The following VKORC1L1 variants were observed in gnomAD, a reference collection of about 807,000 sequenced individuals.
VKORC1L1 encodes the protein vitamin K epoxide reductase complex subunit 1L1.
Under a neutral mutation model 18.9 loss-of-function variants are expected in VKORC1L1, and 2 were observed. The ratio of observed to expected loss-of-function variants is 0.11; its 90% CI spans 0.04 to 0.33. The LOEUF (loss-of-function observed/expected upper bound fraction) is 0.33. Among genes scored for constraint, VKORC1L1 ranks in the 10% least tolerant of loss-of-function variants. VKORC1L1 has a pLI of 1.00. For synonymous variants in VKORC1L1, 96 were observed against 100.0 expected (o/e 0.96, Z 0.24); for missense variants, 123 against 224.1 (o/e 0.55, Z 2.88).
intron 1 of VKORC1L1, among the ~76,000 whole-genome samples, chr7:65,898,254 T>C (rs1339024245): frequency 1.3e-5 from 2 of 151,590 alleles, no homozygotes; most frequent in East Asian, 3.9e-4. Flanking sequence ...GCCCGGCTAA[T>C]TTTTGTATTT....
At chr7:65,951,808 T>C (rs926107561) in intron 2 of VKORC1L1, among the ~76,000 whole-genome samples, 1 of 152,218 alleles carries the variant, frequency 6.6e-6, no homozygotes, top group East Asian at 1.9e-4. Flanking sequence ...TTTTCTTTTT[T>C]TGCCTGATGA....
chr7:65,873,511 G>C lies in VKORC1L1; in HGVS notation c.140G>C (p.Arg47Pro), dbSNP rs1416108652. 2 of 1,591,762 alleles carry C rather than the reference G, an allele frequency of 1.3e-6. No individual in the cohort carries two copies. The highest frequency in any genetic ancestry group is 1.4e-5 in the African/African-American group (1 of 73,556). Reference sequence around the variant, plus strand: ...GAGAAGGAGCGGGACCCCGAGCACCGGGCCCTCTGCGACCTGGGGCCCTGG... The same window carrying C: ...GAGAAGGAGCGGGACCCCGAGCACCCGGCCCTCTGCGACCTGGGGCCCTGG... ...EREKERDPEH[R>P]ALCDLGPWVK... The change falls in exon 1 of 3, where the codon CGG becomes CCG. Residue 47 changes from arginine to proline, a missense_variant. By Grantham distance (103) the Arg-to-Pro change is moderately radical. This residue lies in a region of VKORC1L1 where 60 missense variants were observed against 76.9 expected (regional missense o/e 0.78). Coordinates refer to ENST00000360768, the MANE Select transcript of VKORC1L1 (RefSeq NM_173517.6).
rs980023658 is a variant in VKORC1L1 at position 65,956,423 on chromosome 7, A to G, written c.*2123A>G. The G allele has an allele frequency of 2.6e-5, 4 of 152,244 alleles. No individual in the cohort carries two copies. Among genetic ancestry groups the G allele is most frequent in the African/African-American group, 9.6e-5 (4 of 41,462 alleles). The allele number at this position is 152,244 out of a possible 1,614,324, so 9.4% of individuals were successfully genotyped here. ...CAGAGTATAGTTAAAGCTTGTCTTG[A>G]TGTTGCATTCTTGCAAATGTCTTCA... On this transcript the variant is annotated 3_prime_UTR_variant, in exon 3 of 3. Transcript: ENST00000360768.
At chr7:65,867,602 T>C in the VKORC1L1 span, among the ~76,000 whole-genome samples, 1 of 152,140 alleles carries the variant, frequency 6.6e-6, no homozygotes. Flanking sequence ...GGCTGTCATC[T>C]GAAACCTGTG....
intron 1 of VKORC1L1, among the ~76,000 whole-genome samples, chr7:65,931,652 C>CT (rs1452876906): frequency 6.6e-6 from 1 of 151,774 alleles, no homozygotes; most frequent in Non-Finnish European, 1.5e-5. Flanking sequence ...TTTTCTTTTT[C>CT]TTTTTTTGAG....
Position 65,914,507 on chromosome 7 carries a change from T to G in VKORC1L1, c.195-34164T>G, listed in dbSNP as rs184239582. On this transcript the variant is annotated intron_variant, in intron 1 of 2. Transcript: ENST00000360768. The stretch of plus-strand genomic sequence containing the variant: ...CTCCCCATCTTTCCCTTTGCAATCT[T>G]ACCTCAATGAAACTCACCTCTTCCA... 2.0e-3 allele frequency among the ~76,000 whole-genome samples: 307 copies of G among 152,238 alleles called. 1 individual carries two copies. The highest frequency in any genetic ancestry group is 7.2e-3 in the African/African-American group (300 of 41,542).
intron 1 of VKORC1L1, among the ~76,000 whole-genome samples, chr7:65,927,012 C>T (rs1411629675): frequency 6.6e-6 from 1 of 151,908 alleles, no homozygotes; most frequent in Non-Finnish European, 1.5e-5. Flanking sequence ...TGTGGCCAGG[C>T]ATGGTGGCTC....
At chr7:65,892,071 A>G (rs1339857495) in intron 1 of VKORC1L1, among the ~76,000 whole-genome samples, 2 of 152,202 alleles carry the variant, frequency 1.3e-5, no homozygotes, top group African/African-American at 4.8e-5. Context: ...ATTTCTCTTA[A>G]CATAATGTCC....
At chr7:65,947,483 G>GT (rs1022693490) in intron 1 of VKORC1L1, among the ~76,000 whole-genome samples, 4 of 150,232 alleles carry the variant, frequency 2.7e-5, no homozygotes, top group African/African-American at 7.4e-5. Flanking sequence ...ATCTTTAAAG[G>GT]TTTTTTATTC....
At chr7:65,948,393 T>C (rs1397348559) in intron 1 of VKORC1L1, among the ~76,000 whole-genome samples, 1 of 136,766 alleles carries the variant, frequency 7.3e-6, no homozygotes, top group African/African-American at 2.8e-5. Flanking sequence ...TACTTTGCCC[T>C]ACCTTCTGGA....
At chr7:65,893,035 C>A (rs1583829322) in intron 1 of VKORC1L1, among the ~76,000 whole-genome samples, 1 of 152,204 alleles carries the variant, frequency 6.6e-6, no homozygotes, top group Admixed American at 6.5e-5. Context: ...TGCAGTGTTG[C>A]AACAGATTGA....
intron 1 of VKORC1L1, among the ~76,000 whole-genome samples, chr7:65,893,312 C>T (rs748839433): frequency 1.3e-5 from 2 of 152,146 alleles, no homozygotes; most frequent in Admixed American, 6.6e-5. Context: ...GAGGCTGAGG[C>T]GGGCAGATAA....
At chr7:65,948,358 A>T (rs1463321238) in intron 1 of VKORC1L1, among the ~76,000 whole-genome samples, 1 of 147,070 alleles carries the variant, frequency 6.8e-6, no homozygotes, top group Non-Finnish European at 1.5e-5. Flanking sequence ...TCCTTCTGCA[A>T]ATACTAATGC....
At chr7:65,920,838 AAGAC>A (rs1040571550) in intron 1 of VKORC1L1, among the ~76,000 whole-genome samples, 15 of 151,920 alleles carry the variant, frequency 9.9e-5, no homozygotes, top group South Asian at 6.2e-4. Flanking sequence ...GAAAAAAAAA[AAGAC>A]AGAAAGGAAG....
intron 1 of VKORC1L1, among the ~76,000 whole-genome samples, chr7:65,937,462 A>C (rs778669703): frequency 1.4e-4 from 22 of 152,172 alleles, no homozygotes; most frequent in Non-Finnish European, 1.6e-4. Flanking sequence ...TAGCACAAAC[A>C]CAGCTCACTG....
intron 1 of VKORC1L1, among the ~76,000 whole-genome samples, chr7:65,894,592 G>A (rs1366295811): frequency 1.3e-5 from 2 of 152,090 alleles, no homozygotes; most frequent in African/African-American, 4.8e-5. Flanking sequence ...ACTGGGCATG[G>A]TGGTGGGCAC....
chr7:65,883,051 T>G (rs190775494), intron 1 of VKORC1L1, among the ~76,000 whole-genome samples: 23 of 151,236 alleles, frequency 1.5e-4, no homozygotes, highest in African/African-American at 5.1e-4. Context: ...AAATTTGACA[T>G]AAGACTGCCC....
intron 1 of VKORC1L1, among the ~76,000 whole-genome samples, chr7:65,947,616 T>C (rs1443619988): frequency 1.3e-5 from 2 of 152,194 alleles, no homozygotes; most frequent in Admixed American, 6.5e-5. Context: ...TAAAAACTGA[T>C]AGGGCATATA....
chr7:65,959,473 A>T lies in VKORC1L1; in HGVS notation c.*5173A>T, dbSNP rs1424647808. 1.3e-5 allele frequency: 2 copies of T among 152,272 alleles called. No individual in the cohort carries two copies. The highest frequency in any genetic ancestry group is 4.8e-5 in the African/African-American group (2 of 41,476). The allele number at this position is 152,272 out of a possible 1,614,324, so 9.4% of individuals were successfully genotyped here. Reference sequence around the variant, plus strand: ...AACTAAAGAGAAGTTGATAAAAAAAATACAGAAGCTCTAGATTCCTAATTG... The same window carrying T: ...AACTAAAGAGAAGTTGATAAAAAAATTACAGAAGCTCTAGATTCCTAATTG... On this transcript the variant is annotated 3_prime_UTR_variant, in exon 3 of 3. Coordinates refer to ENST00000360768, the MANE Select transcript of VKORC1L1 (RefSeq NM_173517.6).
Sources: allele counts gnomAD v4.1 joint callset (sites outside exome capture counted in the v4.1 genomes callset), GRCh38; gene constraint gnomAD v4.1.1; regional missense constraint gnomAD v4.1.1; transcripts MANE v1.5; gene names NCBI Gene and HGNC (gene_info 2026-07-23, HGNC 2026-07-21).